FIG4: variants seen among roughly 807,000 people sequenced by gnomAD.
The protein encoded by FIG4 is FIG4 phosphoinositide 5-phosphatase.
FIG4 carries 112 observed loss-of-function variants against 118.6 expected under a neutral mutation model. The ratio of observed to expected loss-of-function variants is 0.94; its 90% CI spans 0.81 to 1.11. The LOEUF (loss-of-function observed/expected upper bound fraction) is 1.11. Ranked by LOEUF, FIG4 falls within the 50% of genes least tolerant of loss-of-function variation. The pLI, the probability that FIG4 is intolerant of heterozygous loss-of-function variation, is 0.00. For missense variants in FIG4, 969 were observed against 1,111.7 expected (o/e 0.87, Z 1.83); for synonymous variants, 369 against 381.2 (o/e 0.97, Z 0.37).
At chr6:109,732,074 G>A (rs533960435) in intron 4 of FIG4, among the ~76,000 whole-genome samples, 2 of 152,320 alleles carry the variant, frequency 1.3e-5, no homozygotes, top group East Asian at 3.9e-4. Context: ...CATTTGGAGT[G>A]AGAGAGCCGG....
intron 22 of FIG4, among the ~76,000 whole-genome samples, chr6:109,822,938 C>G: frequency 6.6e-6 from 1 of 150,838 alleles, no homozygotes; most frequent in Middle Eastern, 3.2e-3. Context: ...CATATCTCAT[C>G]TACACACATG....
chr6:109,766,894 A>T lies in FIG4; in HGVS notation c.1749A>T (p.Ser583=). The T allele has an allele frequency of 6.2e-7, 1 of 1,613,534 alleles. No homozygotes were observed. The highest frequency in any genetic ancestry group is 1.3e-5 in the African/African-American group (1 of 75,038). ...TLSRYYSNAF[S]DADRQDSINL... ...CTAGATATTACAGCAATGCTTTTTCAGGTAATTCTGAAGTAATAGCTATTT... is the reference window on the plus strand; with the variant it reads ...CTAGATATTACAGCAATGCTTTTTCTGGTAATTCTGAAGTAATAGCTATTT... The change falls in exon 15 of 23, where the codon TCA becomes TCT. Residue 583 remains serine (S), a splice_region_variant and synonymous_variant. Coordinates refer to ENST00000230124, the MANE Select transcript of FIG4 (RefSeq NM_014845.6).
intron 1 of FIG4, among the ~76,000 whole-genome samples, chr6:109,714,827 T>C (rs1368235604): frequency 6.6e-6 from 1 of 152,212 alleles, no homozygotes; most frequent in Non-Finnish European, 1.5e-5. Context: ...TAAATTCATC[T>C]GACCTGGTTA....
At chr6:109,792,227 G>A (rs1396147172) in intron 20 of FIG4, among the ~76,000 whole-genome samples, 3 of 152,168 alleles carry the variant, frequency 2.0e-5, no homozygotes, top group Non-Finnish European at 4.4e-5. Context: ...ATGTGACTAC[G>A]TTTGCACTAT....
At chr6:109,799,732 G>A (rs2128398913) in intron 22 of FIG4, among the ~76,000 whole-genome samples, 1 of 152,300 alleles carries the variant, frequency 6.6e-6, no homozygotes, top group South Asian at 2.1e-4. Context: ...CAGTGGAACA[G>A]GGGCTCTTGA....
intron 7 of FIG4, among the ~76,000 whole-genome samples, chr6:109,740,790 C>T (rs1246902113): frequency 1.3e-5 from 2 of 152,058 alleles, no homozygotes; most frequent in African/African-American, 4.8e-5. Context: ...GAAGAACTAC[C>T]TGAGACTGGG....
chr6:109,786,301 G>A lies in FIG4; in HGVS notation c.1949-1G>A, dbSNP rs1777953998. 6.2e-7 allele frequency: 1 copy of A among 1,611,432 alleles called. No individual in the cohort carries two copies. The highest frequency in any genetic ancestry group is 8.5e-7 in the Non-Finnish European group (1 of 1,177,878). ...AGAGTAACATGCAGTATCTCTCTTA[G>A]TTATCTGTGCTGTGAACTTAAAGAA... is the stretch of plus-strand genomic sequence containing the variant. On this transcript the variant is annotated splice_acceptor_variant, in intron 17 of 22. Coordinates refer to ENST00000230124, the MANE Select transcript of FIG4 (RefSeq NM_014845.6). LOFTEE classifies it high-confidence loss of function.
chr6:109,736,363 G>A (rs973009772), intron 6 of FIG4, among the ~76,000 whole-genome samples: 2 of 152,118 alleles, frequency 1.3e-5, no homozygotes, highest in Admixed American at 1.3e-4. Flanking sequence ...CATTCCCCTT[G>A]ACTCTTGTTA....
intron 22 of FIG4, among the ~76,000 whole-genome samples, chr6:109,809,714 A>G (rs1778668438): frequency 6.6e-6 from 1 of 152,248 alleles, no homozygotes; most frequent in Non-Finnish European, 1.5e-5. Flanking sequence ...TAAGGAATTC[A>G]GGAAGCAAAT....
chr6:109,704,989 G>C (rs1399772046), intron 1 of FIG4, among the ~76,000 whole-genome samples: 1 of 152,114 alleles, frequency 6.6e-6, no homozygotes, highest in Non-Finnish European at 1.5e-5. Context: ...TATCAGGAGT[G>C]GGGGAGGGAG....
intron 16 of FIG4, among the ~76,000 whole-genome samples, chr6:109,778,401 C>T (rs1055922295): frequency 4.7e-5 from 7 of 150,132 alleles, no homozygotes; most frequent in African/African-American, 1.7e-4. Context: ...GCCCAGGAGG[C>T]AGAGGTTGTC....
At chr6:109,821,910 C>T (rs1034872982) in intron 22 of FIG4, among the ~76,000 whole-genome samples, 2 of 152,228 alleles carry the variant, frequency 1.3e-5, no homozygotes, top group Admixed American at 1.3e-4. Flanking sequence ...TTCAGTGGCT[C>T]GAGCCTGTAA....
chr6:109,719,773 A>G (rs1775550963), intron 3 of FIG4, among the ~76,000 whole-genome samples: 1 of 152,048 alleles, frequency 6.6e-6, no homozygotes, highest in Non-Finnish European at 1.5e-5. Flanking sequence ...AATGGCCTCT[A>G]GACTGCTGGA....
intron 3 of FIG4, among the ~76,000 whole-genome samples, chr6:109,725,030 G>A (rs966145692): frequency 2.6e-5 from 4 of 151,978 alleles, no homozygotes; most frequent in African/African-American, 9.7e-5. Flanking sequence ...TGTGCTTAAG[G>A]CACCTCAGTC....
At chr6:109,723,027 G>C (rs1209689953) in intron 3 of FIG4, among the ~76,000 whole-genome samples, 1 of 152,194 alleles carries the variant, frequency 6.6e-6, no homozygotes, top group Non-Finnish European at 1.5e-5. Flanking sequence ...TGTGGAAGGG[G>C]AGCAGGCCAT....
intron 10 of FIG4, among the ~76,000 whole-genome samples, chr6:109,744,030 CATT>C (rs1379322923): frequency 1.3e-5 from 2 of 152,024 alleles, no homozygotes; most frequent in African/African-American, 4.8e-5. Flanking sequence ...ATCAGGAAAT[CATT>C]GTGTCCTGAT....
intron 22 of FIG4, among the ~76,000 whole-genome samples, chr6:109,809,245 G>T (rs1056581112): frequency 2.6e-5 from 4 of 152,172 alleles, no homozygotes; most frequent in Admixed American, 2.0e-4. Context: ...GACAGATTCT[G>T]CAAAAGCAGA....
At chr6:109,799,274 A>G (rs977200127) in intron 22 of FIG4, among the ~76,000 whole-genome samples, 1 of 152,258 alleles carries the variant, frequency 6.6e-6, no homozygotes, top group Non-Finnish European at 1.5e-5. Flanking sequence ...GTGTTTTTAC[A>G]CAGCATCTTC....
At chr6:109,724,803 TTGTGTGTG>T (rs60968865) in intron 3 of FIG4, among the ~76,000 whole-genome samples, 27 of 146,744 alleles carry the variant, frequency 1.8e-4, no homozygotes, top group Middle Eastern at 3.5e-3. Flanking sequence ...TTATAATCCT[TTGTGTGTG>T]TGTGTGTGTG....
Sources: gnomAD v4.1 joint callset for allele counts (sites outside exome capture counted in the v4.1 genomes callset) on GRCh38, gnomAD v4.1.1 for gene constraint, MANE v1.5 for transcripts, NCBI Gene and HGNC (gene_info 2026-07-23, HGNC 2026-07-21) for gene names.